Variants in KIF2C observed in about 807,000 individuals in gnomAD.
KIF2C encodes kinesin-like protein KIF2C.
In KIF2C, 34 loss-of-function variants were observed where a neutral mutation model predicts 97.4. The ratio of observed to expected loss-of-function variants is 0.35; its 90% CI spans 0.27 to 0.46. The LOEUF (loss-of-function observed/expected upper bound fraction) is 0.46. Ranked by LOEUF, KIF2C falls within the 20% of genes least tolerant of loss-of-function variation. The pLI is 1.00. For synonymous variants in KIF2C, 313 were observed against 318.2 expected, an observed-to-expected ratio of 0.98 and a Z score of 0.17; for missense variants, 750 against 907.6, an observed-to-expected ratio of 0.83 and a Z score of 2.23.
intron 10 of KIF2C, among the ~76,000 whole-genome samples, chr1:44,756,544 CTTTTTTTTTTTTT>C (rs67641740): frequency 4.6e-5 from 3 of 65,242 alleles, no homozygotes; most frequent in South Asian, 5.8e-4. Flanking sequence ...GCTCTATCTG[CTTTTTTTTTTTTT>C]TTTTTTTTTT....
At position 44,758,963 on chromosome 1, in the gene KIF2C, G is replaced by C. The variant is rs1212425490; in HGVS notation, c.1225-243G>C. On this transcript the variant is annotated intron_variant, in intron 13 of 20. Transcript: ENST00000372224. ...CCTTTACAGATGAGATGCAAGGCTA[G>C]AGTGGTTATTAACTTGCCCAGGCTC... 1.5e-5 allele frequency: 8 copies of C among 517,514 alleles called. No individual in the cohort carries two copies. In the East Asian group the frequency reaches 2.8e-4, roughly 18 times the overall value. The allele number at this position is 517,514 out of a possible 1,614,324, so 32.1% of individuals were successfully genotyped here. A position where few individuals can be genotyped will look rare whatever the true frequency, so the allele number is the denominator to read the frequency against.
At chr1:44,752,133 ATTT>A (rs1176639607) in intron 5 of KIF2C, among the ~76,000 whole-genome samples, 14 of 81,466 alleles carry the variant, frequency 1.7e-4, no homozygotes, top group African/African-American at 5.8e-4. Flanking sequence ...ATTAAATTGA[ATTT>A]TTTTTTTTTT....
In KIF2C at chr1:44,767,705, T is replaced by G; in HGVS notation, c.*526T>G. On this transcript the variant is annotated 3_prime_UTR_variant, in exon 21 of 21. Transcript: ENST00000372224. ...GATCCCTACTGTTTTCTGTTTTATG[T>G]GTTTATACATTGTATGTAACAATAA... is the stretch of plus-strand genomic sequence containing the variant. The G allele has an allele frequency of 6.3e-6, 1 of 159,656 alleles. No individual in the cohort carries two copies. The highest frequency in any genetic ancestry group is 1.4e-5 in the Non-Finnish European group (1 of 71,926). The allele number at this position is 159,656 out of a possible 1,614,324, so 9.9% of individuals were successfully genotyped here. A position where few individuals can be genotyped will look rare whatever the true frequency, so the allele number is the denominator to read the frequency against.
At chr1:44,748,970 A>G (rs1049264291) in intron 4 of KIF2C, among the ~76,000 whole-genome samples, 1 of 151,932 alleles carries the variant, frequency 6.6e-6, no homozygotes, top group African/African-American at 2.4e-5. Context: ...ACACACCACC[A>G]TGCCCAGCTA....
chr1:44,760,709 AG>A lies in KIF2C; in HGVS notation c.1683+10del. 1.2e-6 allele frequency: 2 copies of A among 1,605,194 alleles called. No homozygotes were observed. The highest frequency in any genetic ancestry group is 1.7e-6 in the Non-Finnish European group (2 of 1,171,976). On this transcript the variant is annotated splice_region_variant and intron_variant, in intron 16 of 20. Coordinates refer to ENST00000372224, the MANE Select transcript of KIF2C (RefSeq NM_006845.4). This position sits in a 1 kb window ranked among gnomAD's most constrained non-coding sequence, Gnocchi z 4.2. ...GAACTCTAGGACTTGCATGGTGAGT[AG>A]GGTCACTTTGAAGGTGATGGTACAG...
At position 44,740,942 on chromosome 1, in the gene KIF2C, G is replaced by A. The variant is rs1357390386; in HGVS notation, c.100G>A (p.Val34Met). The A allele has an allele frequency of 6.2e-7, 1 of 1,613,862 alleles. No individual in the cohort carries two copies. The highest frequency in any genetic ancestry group is 1.7e-5 in the Admixed American group (1 of 60,006). The part of the protein sequence containing the change: ...GLIHSANVRT[V>M]NLEKSCVSVE... ...AATTCACAGTGCCAATGTAAGGACTGTGAACTTGGAGAAATCCTGTGTTTC... is the reference window on the plus strand; with the variant it reads ...AATTCACAGTGCCAATGTAAGGACTATGAACTTGGAGAAATCCTGTGTTTC... The change falls in exon 2 of 21, where the codon GTG becomes ATG. Residue 34 changes from valine (V) to methionine (M), a missense_variant. Val to Met is a conservative substitution (Grantham distance 21). Transcript: ENST00000372224.
Position 44,739,858 on chromosome 1 carries a change from C to A in KIF2C, c.-75C>A. The A allele has an allele frequency of 7.5e-7, 1 of 1,338,312 alleles. No homozygotes were observed. Among genetic ancestry groups the A allele is most frequent in the Non-Finnish European group, 1.1e-6 (1 of 929,308 alleles). 82.9% of individuals were successfully genotyped at this position (1,338,312 alleles called of 1,614,324 possible). A position where few individuals can be genotyped will look rare whatever the true frequency, so the allele number is the denominator to read the frequency against. On this transcript the variant is annotated 5_prime_UTR_variant, in exon 1 of 21. Coordinates refer to ENST00000372224, the MANE Select transcript of KIF2C (RefSeq NM_006845.4). ...ATTTAAACTGCGGCGGTTTACGCGG[C>A]GTTAAGACTTCGTAGGGTTAGCGAA... is the stretch of plus-strand genomic sequence containing the variant.
In KIF2C at chr1:44,739,952, T is replaced by G; in HGVS notation, c.20T>G (p.Leu7Arg). Residue 7 changes from leucine to arginine, a missense_variant, in exon 1 of 21, where the codon CTT (leucine) becomes CGT (arginine). Leu to Arg is a moderately radical substitution (Grantham distance 102). Coordinates refer to ENST00000372224, the MANE Select transcript of KIF2C (RefSeq NM_006845.4). MAMDSS[L>R]QARLFPGLAI... ...CTCCGAATGGCCATGGACTCGTCGCTTCAGGCCCGCCTGTTTCCCGGTCTC... is the reference window on the plus strand; with the variant it reads ...CTCCGAATGGCCATGGACTCGTCGCGTCAGGCCCGCCTGTTTCCCGGTCTC... 6.2e-7 allele frequency: 1 copy of G among 1,614,214 alleles called. No homozygotes were observed. The highest frequency in any genetic ancestry group is 1.1e-5 in the South Asian group (1 of 91,082).
At position 44,753,123 on chromosome 1, in the gene KIF2C, C is replaced by G. The variant is rs1457074270; in HGVS notation, c.440-9C>G. 3 of 1,607,206 alleles carry G rather than the reference C, an allele frequency of 1.9e-6. No homozygotes were observed. Among genetic ancestry groups the G allele is most frequent in the East Asian group, 4.5e-5 (2 of 44,744 alleles). On this transcript the variant is annotated splice_polypyrimidine_tract_variant and intron_variant, in intron 5 of 20. Coordinates refer to ENST00000372224, the MANE Select transcript of KIF2C (RefSeq NM_006845.4). ...GCCTGCTTCTCCAGTGACTCTTGTT[C>G]CCCTACAGCTGCCCCCACTAGGCCT...
At chr1:44,757,244 A>G (rs16832227) in intron 10 of KIF2C, among the ~76,000 whole-genome samples, 28,064 of 152,106 alleles carry the variant, frequency 0.18, 2,712 homozygotes, top group East Asian at 0.28. Flanking sequence ...TGGAAGCTGG[A>G]TGCTGAGCTT....
intron 19 of KIF2C, among the ~76,000 whole-genome samples, chr1:44,764,600 C>T (rs1221800064): frequency 6.6e-6 from 1 of 152,002 alleles, no homozygotes; most frequent in Admixed American, 6.6e-5. Context: ...ACCTCCACCT[C>T]CCAGGTTCAA....
intron 19 of KIF2C, among the ~76,000 whole-genome samples, chr1:44,765,476 AG>A (rs1650410211): frequency 6.6e-6 from 1 of 151,962 alleles, no homozygotes; most frequent in East Asian, 1.9e-4. Flanking sequence ...AAAGAAAGAA[AG>A]AAAGAAAAAA....
In KIF2C at chr1:44,762,466, G is replaced by C. The variant is rs1234965929; in HGVS notation, c.1857+15G>C. 6.2e-7 allele frequency: 1 copy of C among 1,612,994 alleles called. No homozygotes were observed. The highest frequency in any genetic ancestry group is 8.5e-7 in the Non-Finnish European group (1 of 1,179,022). ...TTCCAGGCAATGTAAGGACCAGGAT[G>C]CGGCCAAGCAAGACAGAAGTGTGGC... On this transcript the variant is annotated intron_variant, in intron 18 of 20. Coordinates refer to ENST00000372224, the MANE Select transcript of KIF2C (RefSeq NM_006845.4).
At position 44,760,512 on chromosome 1, in the gene KIF2C, C is replaced by T. The variant is rs549592132; in HGVS notation, c.1572+28C>T. ...AGTGGGGCAGCTAGAGCTGGTTGGCCGGGAGAGCTACTGGGAAGGGATGGG... is the reference window on the plus strand; with the variant it reads ...AGTGGGGCAGCTAGAGCTGGTTGGCTGGGAGAGCTACTGGGAAGGGATGGG... On this transcript the variant is annotated intron_variant, in intron 15 of 20. Coordinates refer to ENST00000372224, the MANE Select transcript of KIF2C (RefSeq NM_006845.4). This position sits in a 1 kb window ranked among gnomAD's most constrained non-coding sequence, Gnocchi z 4.2. The T allele has an allele frequency of 1.9e-5, 30 of 1,612,462 alleles. No individual in the cohort carries two copies. Among genetic ancestry groups the T allele is most frequent in the African/African-American group, 6.7e-5 (5 of 74,954 alleles).
Position 44,767,286 on chromosome 1 carries a change from G to C in KIF2C, c.*107G>C, listed in dbSNP as rs1321288079. On this transcript the variant is annotated 3_prime_UTR_variant, in exon 21 of 21. Coordinates refer to ENST00000372224, the MANE Select transcript of KIF2C (RefSeq NM_006845.4). ...TCTAGGCAGGGTCTGAGCTGGGACA[G>C]GTTCTGGTAAATGCCAAGTATGGGG... 1.1e-6 allele frequency: 1 copy of C among 951,040 alleles called. No homozygotes were observed. Among genetic ancestry groups the C allele is most frequent in the African/African-American group, 1.6e-5 (1 of 61,260 alleles). The allele number at this position is 951,040 out of a possible 1,614,324, so 58.9% of individuals were successfully genotyped here. A position where few individuals can be genotyped will look rare whatever the true frequency, so the allele number is the denominator to read the frequency against.
chr1:44,759,554 G>T (rs1380029369), intron 14 of KIF2C, among the ~76,000 whole-genome samples: 3 of 152,142 alleles, frequency 2.0e-5, no homozygotes, highest in Admixed American at 6.5e-5. Flanking sequence ...CAGGCACAGT[G>T]GCTCACACCT....
At chr1:44,746,316 G>A in intron 2 of KIF2C, 1 of 978,478 alleles carries the variant, frequency 1.0e-6, no homozygotes, top group Non-Finnish European at 1.2e-6. Flanking sequence ...AGTTTGAGTT[G>A]TTCCTGGAGA....
intron 19 of KIF2C, among the ~76,000 whole-genome samples, chr1:44,764,056 T>G (rs1322261425): frequency 6.6e-6 from 1 of 151,264 alleles, no homozygotes; most frequent in African/African-American, 2.4e-5. Context: ...GAGAAACTAG[T>G]GCCTAGACCA....
chr1:44,754,435 C>T (rs745520337), intron 7 of KIF2C, among the ~76,000 whole-genome samples: 3 of 152,120 alleles, frequency 2.0e-5, no homozygotes, highest in Non-Finnish European at 4.4e-5. Context: ...CCAAGTTGTA[C>T]GTATTTGGAG....
Sources: gnomAD v4.1 joint callset for allele counts (sites outside exome capture counted in the v4.1 genomes callset) on GRCh38, gnomAD v4.1.1 for gene constraint, Gnocchi (gnomAD v3.1) non-coding constraint, MANE v1.5 for transcripts, NCBI Gene and HGNC (gene_info 2026-07-23, HGNC 2026-07-21) for gene names.